OR4K17: variants seen among roughly 807,000 people sequenced by gnomAD.
OR4K17 encodes olfactory receptor family 4 subfamily K member 17, also known as olfactory receptor 4K17.
For synonymous variants in OR4K17, 157 were observed against 132.8 expected, an observed-to-expected ratio of 1.18 and a Z score of -1.25; for missense variants, 480 against 366.3, an observed-to-expected ratio of 1.31 and a Z score of -2.53.
chr14:20,120,399 C>T lies in OR4K17; in HGVS notation c.*1961C>T, dbSNP rs1878135890. 1 of 152,122 alleles carries T rather than the reference C, an allele frequency of 6.6e-6. No individual in the cohort carries two copies. The highest frequency in any genetic ancestry group is 1.5e-5 in the Non-Finnish European group (1 of 68,024). 9.4% of individuals were successfully genotyped at this position (152,122 alleles called of 1,614,324 possible). A position where few individuals can be genotyped will look rare whatever the true frequency, so the allele number is the denominator to read the frequency against. On this transcript the variant is annotated 3_prime_UTR_variant, in exon 2 of 2. Coordinates refer to ENST00000641386, the MANE Select transcript of OR4K17 (RefSeq NM_001004715.5). ...AATCTCACTTTCACCTCCTTGTCCC[C>T]ATGTATTTCAATTCAAAAAAACTGT...
rs1878122871 is a variant in OR4K17, at chr14:20,119,975, A to G, written c.*1537A>G. The stretch of plus-strand genomic sequence containing the variant: ...AAGATTACAGTAGTCAGTCAAGATT[A>G]TTTTTAATGCAGCACCAAAAATAAT... On this transcript the variant is annotated 3_prime_UTR_variant, in exon 2 of 2. Transcript: ENST00000641386. 6.6e-6 allele frequency: 1 copy of G among 152,242 alleles called. No individual in the cohort carries two copies. The highest frequency in any genetic ancestry group is 6.5e-5 in the Admixed American group (1 of 15,280). The allele number at this position is 152,242 out of a possible 1,614,324, so 9.4% of individuals were successfully genotyped here. A position where few individuals can be genotyped will look rare whatever the true frequency, so the allele number is the denominator to read the frequency against.
At position 20,112,462 on chromosome 14, in the gene OR4K17, G is replaced by C. The variant is rs143389255; in HGVS notation, c.-33+1570G>C. Among the ~76,000 whole-genome samples the C allele has an allele frequency of 7.4e-3, 1,123 of 152,202 alleles. 5 individuals carry two copies. The highest frequency in any genetic ancestry group is 0.013 in the Non-Finnish European group (882 of 67,958). ...TCAAAAGGCAGGTAAGCAAAATGGA[G>C]TCAGTGTTCCATCCCTGTTACTAAT... On this transcript the variant is annotated intron_variant, in intron 1 of 1. Coordinates refer to ENST00000641386, the MANE Select transcript of OR4K17 (RefSeq NM_001004715.5).
At chr14:20,114,761 C>G (rs1047494376) in intron 1 of OR4K17, among the ~76,000 whole-genome samples, 2 of 152,046 alleles carry the variant, frequency 1.3e-5, no homozygotes, top group Non-Finnish European at 2.9e-5. Flanking sequence ...CCAGGGATCA[C>G]TCCACCTGAT....
Position 20,118,102 on chromosome 14 carries a change from C to A in OR4K17, c.603C>A (p.Ala201=), listed in dbSNP as rs201325657. The change falls in exon 2 of 2, where the codon GCC becomes GCA. Residue 201 remains alanine (A), a synonymous_variant. Transcript: ENST00000641386. ...ATTTTGTACAGGTAGTCATTGTTGCCAACAGTGGCATAATCTCCCTGAGCT... is the reference window on the plus strand; with the variant it reads ...ATTTTGTACAGGTAGTCATTGTTGCAAACAGTGGCATAATCTCCCTGAGCT... ...DIYFVQVVIV[A]NSGIISLSCF... is the part of the protein sequence containing the mutation. 2.9e-5 allele frequency: 46 copies of A among 1,613,836 alleles called. No individual in the cohort carries two copies. Among genetic ancestry groups the A allele is most frequent in the Non-Finnish European group, 3.7e-5 (44 of 1,179,894 alleles).
At chr14:20,117,328 G>T in intron 1 of OR4K17, 140 bp from the exon 2 acceptor site, 1 of 982,102 alleles carries the variant, frequency 1.0e-6, no homozygotes, top group South Asian at 1.6e-5. Flanking sequence ...TCCTTTTTCA[G>T]ACTTAATAGA....
rs1337056497 is a variant in OR4K17, at chr14:20,121,411, T to C, written c.*2973T>C. The C allele has an allele frequency of 6.6e-6, 1 of 152,172 alleles. No individual in the cohort carries two copies. The highest frequency in any genetic ancestry group is 1.5e-5 in the Non-Finnish European group (1 of 68,022). The allele number at this position is 152,172 out of a possible 1,614,324, so 9.4% of individuals were successfully genotyped here. ...TTGATGAAGAGATTGAAATAGTTTTTAAAATTCCAGAAATTTGTTTAAAAA... is the reference window on the plus strand; with the variant it reads ...TTGATGAAGAGATTGAAATAGTTTTCAAAATTCCAGAAATTTGTTTAAAAA... On this transcript the variant is annotated 3_prime_UTR_variant, in exon 2 of 2. Coordinates refer to ENST00000641386, the MANE Select transcript of OR4K17 (RefSeq NM_001004715.5).
At position 20,121,391 on chromosome 14, in the gene OR4K17, G is replaced by A. The variant is rs535156877; in HGVS notation, c.*2953G>A. 1 of 152,224 alleles carries A rather than the reference G, an allele frequency of 6.6e-6. No individual in the cohort carries two copies. The highest frequency in any genetic ancestry group is 6.5e-5 in the Admixed American group (1 of 15,278). The allele number at this position is 152,224 out of a possible 1,614,324, so 9.4% of individuals were successfully genotyped here. On this transcript the variant is annotated 3_prime_UTR_variant, in exon 2 of 2. Transcript: ENST00000641386. ...AAACAAAAAAATGGGGAAATTTGAT[G>A]AAGAGATTGAAATAGTTTTTAAAAT...
chr14:20,118,162 C>A lies in OR4K17; in HGVS notation c.663C>A (p.Ile221=). 1.2e-6 allele frequency: 2 copies of A among 1,614,112 alleles called. No individual in the cohort carries two copies. The highest frequency in any genetic ancestry group is 3.3e-4 in the Middle Eastern group (2 of 6,062). Residue 221 remains isoleucine, a synonymous_variant, in exon 2 of 2, where the codon ATC becomes ATA. Transcript: ENST00000641386. Reference sequence around the variant, plus strand: ...TTTTGCTTATCTCCTACAGTCTGATCCTCATAACCATTAAGAACCACTCTC... The same window carrying A: ...TTTTGCTTATCTCCTACAGTCTGATACTCATAACCATTAAGAACCACTCTC... The part of the protein sequence containing the change: ...FIILLISYSL[I]LITIKNHSPT...
rs772782323 is a variant in OR4K17 at position 20,117,656 on chromosome 14, C to T, written c.157C>T (p.Pro53Ser). The T allele has an allele frequency of 6.2e-6, 10 of 1,613,752 alleles. No homozygotes were observed. Among genetic ancestry groups the T allele is most frequent in the Non-Finnish European group, 1.7e-6 (2 of 1,179,896 alleles). Residue 53 changes from proline (P) to serine (S), a missense_variant, in exon 2 of 2, where the codon CCT becomes TCT. Transcript: ENST00000641386. ...TATTATAGTCACAGTGTTTAACACCCCTAACCTGAATACTCCCATGTATTT... is the reference window on the plus strand; with the variant it reads ...TATTATAGTCACAGTGTTTAACACCTCTAACCTGAATACTCCCATGTATTT... ...LLIIVTVFNT[P>S]NLNTPMYFLL...
rs1259543724 is a variant in OR4K17 at position 20,121,056 on chromosome 14, G to GT, written c.*2622dup. The GT allele has an allele frequency of 6.6e-6, 1 of 152,194 alleles. No homozygotes were observed. Among genetic ancestry groups the GT allele is most frequent in the African/African-American group, 2.4e-5 (1 of 41,448 alleles). 9.4% of individuals were successfully genotyped at this position (152,194 alleles called of 1,614,324 possible). ...CCTTCACAATAGTCAGAGCAGTTGT[G>GT]TTTTACTCAACCAATCCCCTCACAC... is the stretch of plus-strand genomic sequence containing the variant. On this transcript the variant is annotated 3_prime_UTR_variant, in exon 2 of 2. Transcript: ENST00000641386.
rs748192876 is a variant in OR4K17, at chr14:20,117,608, G to A, written c.109G>A (p.Val37Ile). 6.8e-6 allele frequency: 11 copies of A among 1,613,798 alleles called. No homozygotes were observed. In the South Asian group the frequency reaches 1.2e-4, roughly 18 times the overall value. Residue 37 changes from valine to isoleucine, a missense_variant, in exon 2 of 2, where the codon GTC (valine) becomes ATC (isoleucine). Val to Ile is a conservative substitution (Grantham distance 29, BLOSUM62 3). Coordinates refer to ENST00000641386, the MANE Select transcript of OR4K17 (RefSeq NM_001004715.5). ...TGCCCTCTTCTCGGTTATCTATGTG[G>A]TCACAGTTTTGGGTAACCTTCTTAT... ...LFALFSVIYV[V>I]TVLGNLLIIV...
rs1448840000 is a variant in OR4K17, at chr14:20,120,904, CCACCAAAGACCACAACAATTTT to C, written c.*2467_*2488del. 2 of 152,270 alleles carry C rather than the reference CCACCAAAGACCACAACAATTTT, an allele frequency of 1.3e-5. No homozygotes were observed. The highest frequency in any genetic ancestry group is 6.5e-5 in the Admixed American group (1 of 15,276). 9.4% of individuals were successfully genotyped at this position (152,270 alleles called of 1,614,324 possible). On this transcript the variant is annotated 3_prime_UTR_variant, in exon 2 of 2. Transcript: ENST00000641386. ...ATAGAAAGGACTTTAGCAGCCCTAG[CCACCAAAGACCACAACAATTTT>C]TGTCACCACTTCAAACATCTACATC... is the stretch of plus-strand genomic sequence containing the variant.
At chr14:20,117,224 A>T (rs935403019) in intron 1 of OR4K17, among the ~76,000 whole-genome samples, 5 of 152,152 alleles carry the variant, frequency 3.3e-5, no homozygotes, top group African/African-American at 1.2e-4. Context: ...AGATACACTT[A>T]TATGCTCCAG....
intron 1 of OR4K17, among the ~76,000 whole-genome samples, chr14:20,115,558 G>A (rs1877971077): frequency 6.6e-6 from 1 of 151,990 alleles, no homozygotes; most frequent in South Asian, 2.1e-4. Flanking sequence ...CATTTGGAAT[G>A]TTTCAACTTT....
At position 20,121,829 on chromosome 14, in the gene OR4K17, A is replaced by C. The variant is rs1027506593; in HGVS notation, c.*3391A>C. On this transcript the variant is annotated 3_prime_UTR_variant, in exon 2 of 2. Coordinates refer to ENST00000641386, the MANE Select transcript of OR4K17 (RefSeq NM_001004715.5). ...CCATAGGTTTTACATTCACAGACTC[A>C]ATCAACCACAGATCAAAACTATCAA... 1 of 152,076 alleles carries C rather than the reference A, an allele frequency of 6.6e-6. No homozygotes were observed. The highest frequency in any genetic ancestry group is 1.5e-5 in the Non-Finnish European group (1 of 67,966). The allele number at this position is 152,076 out of a possible 1,614,324, so 9.4% of individuals were successfully genotyped here. A position where few individuals can be genotyped will look rare whatever the true frequency, so the allele number is the denominator to read the frequency against.
chr14:20,112,958 T>G (rs1197089454), intron 1 of OR4K17, among the ~76,000 whole-genome samples: 1 of 152,052 alleles, frequency 6.6e-6, no homozygotes, highest in African/African-American at 2.4e-5. Context: ...GTGTTCTCAA[T>G]TGCTGCCCAA....
At chr14:20,114,780 G>T (rs941607859) in intron 1 of OR4K17, among the ~76,000 whole-genome samples, 4 of 152,040 alleles carry the variant, frequency 2.6e-5, no homozygotes, top group African/African-American at 7.2e-5. Flanking sequence ...ATCAGTTAGT[G>T]AGAACTGCTT....
chr14:20,114,053 C>G (rs2139053590), intron 1 of OR4K17, among the ~76,000 whole-genome samples: 1 of 152,032 alleles, frequency 6.6e-6, no homozygotes, highest in Non-Finnish European at 1.5e-5. Context: ...ATAGCTCTGT[C>G]TCTGTTTCTA....
chr14:20,112,640 AAAG>A (rs1877905942), intron 1 of OR4K17, among the ~76,000 whole-genome samples: 4 of 152,072 alleles, frequency 2.6e-5, no homozygotes, highest in African/African-American at 9.7e-5. Context: ...ACCTAAATTC[AAAG>A]AAGACCAGAG....
Sources: gnomAD v4.1 joint callset for allele counts (sites outside exome capture counted in the v4.1 genomes callset) on GRCh38, gnomAD v4.1.1 for gene constraint, MANE v1.5 for transcripts, NCBI Gene and HGNC (gene_info 2026-07-23, HGNC 2026-07-21) for gene names.